The following SCLT1 variants were observed in gnomAD, a reference collection of about 807,000 sequenced individuals.
SCLT1 encodes the protein sodium channel and clathrin linker 1.
Under a neutral mutation model 112.8 loss-of-function variants are expected in SCLT1, and 78 were observed. That is an observed-to-expected ratio of 0.69 (90% CI 0.58 to 0.83). The LOEUF is 0.83. SCLT1 is among the 40% of genes least tolerant of loss of function. SCLT1 has a pLI of 0.00. For synonymous variants in SCLT1, 257 were observed against 254.7 expected, an observed-to-expected ratio of 1.01 and a Z score of -0.09; for missense variants, 747 against 770.4, an observed-to-expected ratio of 0.97 and a Z score of 0.36.
At chr4:128,942,195 T>C (rs1041822987) in intron 17 of SCLT1, among the ~76,000 whole-genome samples, 3 of 152,070 alleles carry the variant, frequency 2.0e-5, no homozygotes, top group Non-Finnish European at 4.4e-5. Flanking sequence ...AACTAGGGCA[T>C]TTCATACCTG....
intron 2 of SCLT1, among the ~76,000 whole-genome samples, chr4:129,081,309 C>T (rs192057574): frequency 1.4e-4 from 21 of 152,328 alleles, no homozygotes; most frequent in African/African-American, 4.8e-4. Flanking sequence ...TAGGTGGAGC[C>T]GAAGAGCTCT....
intron 8 of SCLT1, among the ~76,000 whole-genome samples, chr4:128,996,107 CTT>C (rs1166030434): frequency 6.6e-6 from 1 of 151,970 alleles, no homozygotes; most frequent in African/African-American, 2.4e-5. Flanking sequence ...GCTAAGGGGT[CTT>C]TTTTTGATCA....
intron 5 of SCLT1, among the ~76,000 whole-genome samples, chr4:129,024,652 C>T (rs1745850645): frequency 6.6e-6 from 1 of 152,244 alleles, no homozygotes. Context: ...CTCTCCTCCT[C>T]CAAAGGAACG....
intron 18 of SCLT1, among the ~76,000 whole-genome samples, chr4:128,903,233 T>C (rs1734457183): frequency 6.6e-6 from 1 of 152,194 alleles, no homozygotes; most frequent in Admixed American, 6.5e-5. Flanking sequence ...TGCAGTCGTT[T>C]TGTTTAGCAT....
chr4:128,987,483 G>T (rs1208609566), intron 9 of SCLT1, among the ~76,000 whole-genome samples: 1 of 152,160 alleles, frequency 6.6e-6, no homozygotes, highest in Non-Finnish European at 1.5e-5. Context: ...AATCCCATCA[G>T]AAATTTGACA....
At chr4:128,878,170 G>A (rs1199638228) in intron 3 of SCLT1, among the ~76,000 whole-genome samples, 2 of 152,076 alleles carry the variant, frequency 1.3e-5, no homozygotes, top group African/African-American at 4.8e-5. Flanking sequence ...AATAAATCCA[G>A]TTATTTTTAC....
At chr4:129,037,137 G>C (rs1747249641) in intron 5 of SCLT1, 1 of 150,350 alleles carries the variant, frequency 6.7e-6, no homozygotes. Context: ...AGAAGAGTGA[G>C]AGATTTACTT....
At chr4:128,965,383 C>A (rs1013343297) in intron 10 of SCLT1, 65 bp from the exon 11 acceptor site, 3 of 981,402 alleles carry the variant, frequency 3.1e-6, no homozygotes. Flanking sequence ...CATTATACAG[C>A]ATAAAGAAAA....
chr4:129,038,686 C>G (rs1301990021), intron 5 of SCLT1, among the ~76,000 whole-genome samples: 1 of 152,102 alleles, frequency 6.6e-6, no homozygotes, highest in Non-Finnish European at 1.5e-5. Context: ...TTCATTTTAT[C>G]AATATGTTTT....
chr4:128,960,076 T>C (rs750611710), intron 11 of SCLT1, among the ~76,000 whole-genome samples: 2 of 152,198 alleles, frequency 1.3e-5, no homozygotes, highest in Non-Finnish European at 1.5e-5. Context: ...ATACTTGTTA[T>C]GGTATCACAC....
At chr4:129,057,241 G>T (rs1749485585) in intron 2 of SCLT1, among the ~76,000 whole-genome samples, 1 of 151,846 alleles carries the variant, frequency 6.6e-6, no homozygotes, top group African/African-American at 2.4e-5. Context: ...CAATTATTTT[G>T]TTGAAGAATT....
intron 2 of SCLT1, among the ~76,000 whole-genome samples, chr4:129,077,245 G>A (rs1323640554): frequency 6.6e-6 from 1 of 152,054 alleles, no homozygotes; most frequent in Non-Finnish European, 1.5e-5. Flanking sequence ...AGACAATCAA[G>A]TTTGAAGTTC....
chr4:128,946,211 T>A, intron 15 of SCLT1, 59 bp from the exon 16 acceptor site: 1 of 1,117,548 alleles, frequency 8.9e-7, no homozygotes, highest in Non-Finnish European at 1.3e-6. Context: ...TAATAAACAG[T>A]TTAGAAACAG....
intron 10 of SCLT1, 152 bp downstream of exon 10, chr4:128,970,226 A>T (rs1740572620): frequency 1.6e-6 from 1 of 610,316 alleles, no homozygotes; most frequent in African/African-American, 1.9e-5. Flanking sequence ...TTTCAATAAT[A>T]TAGTTTAGCT....
At chr4:129,033,345 G>A (rs1273330696) in intron 5 of SCLT1, among the ~76,000 whole-genome samples, 4 of 151,052 alleles carry the variant, frequency 2.6e-5, no homozygotes, top group Admixed American at 6.6e-5. Context: ...CTATTCGGGG[G>A]TGGGGGGCAA....
Position 129,059,361 on chromosome 4 carries a change from G to GT in SCLT1, c.103-15311dup, listed in dbSNP as rs201456177. On this transcript the variant is annotated intron_variant, in intron 2 of 20. Coordinates refer to ENST00000281142, the MANE Select transcript of SCLT1 (RefSeq NM_144643.4). ...TGGTTTTGTATATCCTTTTGCTCCT[G>GT]TTTTTCTCTTATTATTGTGGTTTGG... 1.6e-3 allele frequency among the ~76,000 whole-genome samples: 248 copies of GT among 152,100 alleles called. 2 individuals are homozygous for GT. The highest frequency in any genetic ancestry group is 0.014 in the East Asian group (71 of 5,168).
chr4:129,036,705 G>A (rs908590634), intron 5 of SCLT1: 5 of 151,872 alleles, frequency 3.3e-5, no homozygotes, highest in Admixed American at 2.0e-4. Context: ...ACAAGGAAGA[G>A]AGAAAATCAT....
intron 8 of SCLT1, among the ~76,000 whole-genome samples, chr4:128,994,963 C>T (rs1427682137): frequency 2.6e-5 from 4 of 151,918 alleles, no homozygotes; most frequent in African/African-American, 9.7e-5. Context: ...ATATTTTGTC[C>T]CATTCCATAG....
At chr4:128,949,127 C>T (rs1738461871) in intron 14 of SCLT1, among the ~76,000 whole-genome samples, 1 of 151,084 alleles carries the variant, frequency 6.6e-6, no homozygotes, top group Non-Finnish European at 1.5e-5. Flanking sequence ...TTTGCTAATG[C>T]ACCTAAAACA....
Sources: gnomAD v4.1 joint callset for allele counts (sites outside exome capture counted in the v4.1 genomes callset) on GRCh38, gnomAD v4.1.1 for gene constraint, MANE v1.5 for transcripts, NCBI Gene and HGNC (gene_info 2026-07-23, HGNC 2026-07-21) for gene names.